Variants in CYP4F3 observed in about 807,000 individuals in gnomAD.
CYP4F3 encodes the protein cytochrome P450 4F3.
Under a neutral mutation model 54.8 loss-of-function variants are expected in CYP4F3, and 50 were observed. The ratio of observed to expected loss-of-function variants is 0.91; its 90% CI spans 0.73 to 1.16. The LOEUF is 1.16. Among genes scored for constraint, CYP4F3 ranks in the 50% most tolerant of loss-of-function variants. CYP4F3 has a pLI of 0.00. For missense variants in CYP4F3, 715 were observed against 676.2 expected (o/e 1.06, Z -0.64); for synonymous variants, 244 against 262.6 (o/e 0.93, Z 0.69).
chr19:15,642,519 G>A (rs1326141666), intron 2 of CYP4F3, among the ~76,000 whole-genome samples: 1 of 152,206 alleles, frequency 6.6e-6, no homozygotes, highest in African/African-American at 2.4e-5. Flanking sequence ...TTAGGGACAT[G>A]TCCTGAGTCC....
intron 2 of CYP4F3, among the ~76,000 whole-genome samples, chr19:15,642,162 C>A (rs1174232225): frequency 6.6e-6 from 1 of 152,226 alleles, no homozygotes; most frequent in South Asian, 2.1e-4. Context: ...CTTTCAGAAG[C>A]CTTCCCTGAC....
chr19:15,655,748 T>A (rs527732384), intron 9 of CYP4F3, among the ~76,000 whole-genome samples: 1 of 152,372 alleles, frequency 6.6e-6, no homozygotes, highest in South Asian at 2.1e-4. Flanking sequence ...TCTCAAAATA[T>A]ACATTTTGGA....
chr19:15,656,774 T>A (rs1255557043), intron 9 of CYP4F3, among the ~76,000 whole-genome samples: 3 of 122,378 alleles, frequency 2.5e-5, no homozygotes, highest in African/African-American at 9.2e-5. Context: ...CTATCATCCA[T>A]CCATCCATGA....
intron 2 of CYP4F3, chr19:15,643,961 C>T: frequency 6.2e-7 from 1 of 1,606,536 alleles, no homozygotes; most frequent in Non-Finnish European, 8.5e-7. Context: ...GGCCACCTAC[C>T]CCCAGGGCTT....
At chr19:15,656,279 A>G (rs1001249959) in intron 9 of CYP4F3, among the ~76,000 whole-genome samples, 2 of 84,926 alleles carry the variant, frequency 2.4e-5, no homozygotes, top group African/African-American at 1.1e-4. Context: ...ATGGGATTCC[A>G]TTGTGTATAT....
At chr19:15,653,277 C>T (rs1972914003) in intron 9 of CYP4F3, among the ~76,000 whole-genome samples, 1 of 152,204 alleles carries the variant, frequency 6.6e-6, no homozygotes, top group Non-Finnish European at 1.5e-5. Flanking sequence ...AATGTCTTCA[C>T]TTGTTGAATG....
At chr19:15,650,736 CTTTTCCTTCCTTCCA>C (rs1972798088) in intron 7 of CYP4F3, among the ~76,000 whole-genome samples, 2 of 84,224 alleles carry the variant, frequency 2.4e-5, no homozygotes, top group Admixed American at 1.4e-4. Flanking sequence ...TTCTTTCTTT[CTTTTCCTTCCTTCCA>C]TCTTTCTTTC....
chr19:15,641,376 G>A (rs1479251738), intron 1 of CYP4F3, 39 bp from the exon 2 acceptor site: 2 of 1,610,726 alleles, frequency 1.2e-6, no homozygotes, highest in East Asian at 2.2e-5. Flanking sequence ...CCCTTCCCTG[G>A]GCCTCAGGAC....
At chr19:15,645,291 C>A (rs748902832) in intron 2 of CYP4F3, among the ~76,000 whole-genome samples, 2 of 152,170 alleles carry the variant, frequency 1.3e-5, no homozygotes, top group Non-Finnish European at 2.9e-5. Flanking sequence ...TGCCTAGTCT[C>A]GGCAGGCCTG....
At chr19:15,643,150 T>C (rs537899911) in intron 2 of CYP4F3, among the ~76,000 whole-genome samples, 5 of 151,310 alleles carry the variant, frequency 3.3e-5, no homozygotes, top group Admixed American at 3.3e-4. Context: ...ATAGATTAGA[T>C]AGATAAATGA....
At chr19:15,650,722 T>TTCTTTCTCTTTCTTTCTTTC (rs1568397952) in intron 7 of CYP4F3, among the ~76,000 whole-genome samples, 1 of 46,730 alleles carries the variant, frequency 2.1e-5, no homozygotes, top group Non-Finnish European at 3.7e-5. Context: ...CTTTCTTTCT[T>TTCTTTCTCTTTCTTTCTTTC]TCTTTCTTTC....
intron 2 of CYP4F3, among the ~76,000 whole-genome samples, chr19:15,645,235 C>T (rs1972588259): frequency 6.6e-6 from 1 of 152,186 alleles, no homozygotes; most frequent in Non-Finnish European, 1.5e-5. Flanking sequence ...CTTCTCCTGG[C>T]CTGGATCACC....
At chr19:15,645,358 G>A (rs984674538) in intron 2 of CYP4F3, among the ~76,000 whole-genome samples, 5 of 152,186 alleles carry the variant, frequency 3.3e-5, no homozygotes, top group African/African-American at 1.2e-4. Flanking sequence ...TAAGGAATCA[G>A]GCCATGGGTG....
rs1973159253 is a variant in CYP4F3 at position 15,660,549 on chromosome 19, A to C, written c.*1164A>C. 1 of 83,842 alleles carries C rather than the reference A, an allele frequency of 1.2e-5. No individual in the cohort carries two copies. The highest frequency in any genetic ancestry group is 5.7e-4 in the East Asian group (1 of 1,748). The allele number at this position is 83,842 out of a possible 1,614,324, so 5.2% of individuals were successfully genotyped here. On this transcript the variant is annotated 3_prime_UTR_variant, in exon 13 of 13. Transcript: ENST00000221307. ...GGACTGGACGTTAACTCTCTTGCTC[A>C]AGGTCACTCTGAGTGGAAGAGTGGG... is the stretch of plus-strand genomic sequence containing the variant.
rs1001949629 is a variant in CYP4F3, at chr19:15,660,339, T to G, written c.*954T>G. ...AGTAGAGATTTTATTTTTATAGCAA[T>G]AGATGCACAGATATTCCTGTAAGAT... On this transcript the variant is annotated 3_prime_UTR_variant, in exon 13 of 13. Coordinates refer to ENST00000221307, the MANE Select transcript of CYP4F3 (RefSeq NM_000896.3). The G allele has an allele frequency of 6.6e-6, 1 of 152,190 alleles. No homozygotes were observed. Among genetic ancestry groups the G allele is most frequent in the Admixed American group, 6.5e-5 (1 of 15,284 alleles). The allele number at this position is 152,190 out of a possible 1,614,324, so 9.4% of individuals were successfully genotyped here.
chr19:15,641,572 C>A lies in CYP4F3; in HGVS notation c.157C>A (p.Gln53Lys). 1 of 1,614,142 alleles carries A rather than the reference C, an allele frequency of 6.2e-7. No individual in the cohort carries two copies. The highest frequency in any genetic ancestry group is 1.1e-5 in the South Asian group (1 of 91,088). ...DNCCRLRCFPQPPKRNWFLGH... is the reference protein window; with the variant it reads ...DNCCRLRCFPKPPKRNWFLGH... ...CTGCTGCCGCCTCCGGTGTTTCCCG[C>A]AACCCCCGAAACGGAATTGGTTCTT... Residue 53 changes from glutamine to lysine, a missense_variant, in exon 2 of 13, where the codon CAA becomes AAA. Physicochemically the swap from Gln to Lys is moderately conservative, Grantham distance 53 (BLOSUM62 1). Transcript: ENST00000221307.
rs1972462416 is a variant in CYP4F3, at chr19:15,641,514, C to A, written c.99C>A (p.Arg33=). 1 of 1,614,076 alleles carries A rather than the reference C, an allele frequency of 6.2e-7. No homozygotes were observed. The highest frequency in any genetic ancestry group is 8.5e-7 in the Non-Finnish European group (1 of 1,180,048). The change falls in exon 2 of 13, where the codon CGC becomes CGA. Residue 33 remains arginine, a synonymous_variant. Coordinates refer to ENST00000221307, the MANE Select transcript of CYP4F3 (RefSeq NM_000896.3). ...TTGGGGCCTCCTGGCTCCTGGCCCGCATCCTGGCCTGGACCTATACCTTCT... is the reference window on the plus strand; with the variant it reads ...TTGGGGCCTCCTGGCTCCTGGCCCGAATCCTGGCCTGGACCTATACCTTCT... The part of the protein sequence containing the change: ...LLVGASWLLA[R]ILAWTYTFYD...
intron 8 of CYP4F3, 23 bp from the exon 9 acceptor site, chr19:15,652,800 A>C: frequency 6.2e-7 from 1 of 1,606,364 alleles, no homozygotes; most frequent in Non-Finnish European, 8.5e-7. Context: ...CCAGAGACCC[A>C]AGCCTGCCTT....
At chr19:15,644,524 G>A (rs571595554) in intron 2 of CYP4F3, among the ~76,000 whole-genome samples, 1 of 152,340 alleles carries the variant, frequency 6.6e-6, no homozygotes, top group East Asian at 1.9e-4. Context: ...ATGCAATTGG[G>A]CATCGTTAGT....
Sources: allele counts gnomAD v4.1 joint callset (sites outside exome capture counted in the v4.1 genomes callset), GRCh38; gene constraint gnomAD v4.1.1; transcripts MANE v1.5; gene names NCBI Gene and HGNC (gene_info 2026-07-23, HGNC 2026-07-21).